CHN2: variants seen among roughly 807,000 people sequenced by gnomAD.
CHN2 encodes the protein chimerin 2, also known as beta-chimaerin.
Under a neutral mutation model 56.3 loss-of-function variants are expected in CHN2, and 35 were observed. That is an observed-to-expected ratio of 0.62 (90% CI 0.47 to 0.82). The LOEUF is 0.82. Among genes scored for constraint, CHN2 ranks in the 40% least tolerant of loss-of-function variants. The pLI, the probability that CHN2 is intolerant of heterozygous loss-of-function variation, is 0.00. For synonymous variants in CHN2, 210 were observed against 212.8 expected (o/e 0.99, Z 0.12); for missense variants, 491 against 580.5 (o/e 0.85, Z 1.58).
At chr7:29,345,048 G>T (rs550001742) in intron 1 of CHN2, among the ~76,000 whole-genome samples, 2 of 152,298 alleles carry the variant, frequency 1.3e-5, no homozygotes, top group East Asian at 3.9e-4. Context: ...TTTGTGCCTA[G>T]CTGAGAGGGC....
chr7:29,174,902 A>C (rs1391285258), intron 2 of CHN2, among the ~76,000 whole-genome samples: 1 of 152,132 alleles, frequency 6.6e-6, no homozygotes, highest in Non-Finnish European at 1.5e-5. Flanking sequence ...TACAGGAACA[A>C]GAAGCTAGAA....
intron 2 of CHN2, among the ~76,000 whole-genome samples, chr7:29,365,527 C>G (rs56897138): frequency 0.092 from 14,016 of 152,188 alleles, 994 homozygotes; most frequent in African/African-American, 0.18. Flanking sequence ...AGAAAGACTC[C>G]TTCATGAAGT....
At chr7:29,177,298 G>A (rs1256110082) in intron 2 of CHN2, among the ~76,000 whole-genome samples, 2 of 151,934 alleles carry the variant, frequency 1.3e-5, no homozygotes, top group East Asian at 1.9e-4. Context: ...CTGTCATCCA[G>A]GCTGGAGTGC....
chr7:29,226,417 A>T (rs1360622630), intron 1 of CHN2, among the ~76,000 whole-genome samples: 2 of 152,174 alleles, frequency 1.3e-5, no homozygotes, highest in Admixed American at 6.5e-5. Flanking sequence ...AATTTTTTTT[A>T]AATAGAAAAA....
intron 1 of CHN2, among the ~76,000 whole-genome samples, chr7:29,277,592 T>A (rs951470317): frequency 6.6e-6 from 1 of 152,186 alleles, no homozygotes; most frequent in African/African-American, 2.4e-5. Context: ...CTTTCAAGCA[T>A]GGGGAGAAGT....
intron 6 of CHN2, among the ~76,000 whole-genome samples, chr7:29,459,829 GA>G (rs1562624485): frequency 6.6e-6 from 1 of 152,130 alleles, no homozygotes; most frequent in Admixed American, 6.5e-5. Context: ...GAAGAAGCCC[GA>G]AAAGCTTGTC....
At chr7:29,454,058 C>T (rs1442770944) in intron 6 of CHN2, among the ~76,000 whole-genome samples, 1 of 152,170 alleles carries the variant, frequency 6.6e-6, no homozygotes. Context: ...GTAGACAAAT[C>T]ATAATTGCAT....
At chr7:29,509,844 C>A (rs1253222917) in intron 12 of CHN2, among the ~76,000 whole-genome samples, 61 of 134,170 alleles carry the variant, frequency 4.5e-4, no homozygotes, top group Admixed American at 6.2e-4. Flanking sequence ...GACTCCATCT[C>A]AAAAAAAAAA....
rs1465167988 is a variant in CHN2, at chr7:29,200,400, C to T, written c.49+5410C>T. ...TCCCTCCCTCTATCCACCTTCTTCT[C>T]CTTCCTTCCTTCTTTCCTTCCTTCC... On this transcript the variant is annotated intron_variant, in intron 1 of 12. Coordinates refer to ENST00000222792, the MANE Select transcript of CHN2 (RefSeq NM_004067.4). Among the ~76,000 whole-genome samples the T allele has an allele frequency of 2.2e-5, 3 of 138,044 alleles. No homozygotes were observed. The East Asian group carries it at 7.0e-4, about 32-fold the overall frequency. The allele number at this position is 138,044 out of a possible 152,430, so 90.6% of individuals were successfully genotyped here.
chr7:29,336,672 A>T (rs1301099456), intron 1 of CHN2, among the ~76,000 whole-genome samples: 1 of 148,708 alleles, frequency 6.7e-6, no homozygotes, highest in Non-Finnish European at 1.5e-5. Context: ...AGGCAGAAGG[A>T]TCTCTATAGC....
exon 2 of CHN2, chr7:29,146,911 A>G (rs1382623386): frequency 1.4e-5 from 21 of 1,551,106 alleles, no homozygotes; most frequent in Non-Finnish European, 1.7e-5. Flanking sequence ...CCCACTGTTT[A>G]AAAAGGCAAC....
intron 1 of CHN2, among the ~76,000 whole-genome samples, chr7:29,304,412 G>A (rs1793976439): frequency 6.6e-6 from 1 of 152,216 alleles, no homozygotes; most frequent in Non-Finnish European, 1.5e-5. Flanking sequence ...TAATTGTAGA[G>A]AGAGATGATA....
chr7:29,343,369 T>G (rs1027059948), intron 1 of CHN2, among the ~76,000 whole-genome samples: 1 of 152,132 alleles, frequency 6.6e-6, no homozygotes, highest in African/African-American at 2.4e-5. Flanking sequence ...AAATTGAAGC[T>G]CCTGTGTCTT....
intron 1 of CHN2, among the ~76,000 whole-genome samples, chr7:29,248,163 A>C (rs1026653479): frequency 6.6e-6 from 1 of 152,252 alleles, no homozygotes; most frequent in Non-Finnish European, 1.5e-5. Flanking sequence ...CTGGCCAGGC[A>C]GTTGAAAGTG....
At chr7:29,317,504 C>T (rs1339860544) in intron 1 of CHN2, among the ~76,000 whole-genome samples, 1 of 152,194 alleles carries the variant, frequency 6.6e-6, no homozygotes, top group Non-Finnish European at 1.5e-5. Context: ...CCTGCCCAGA[C>T]CTACTGAATC....
intron 7 of CHN2, among the ~76,000 whole-genome samples, chr7:29,483,267 C>G (rs574895467): frequency 2.6e-5 from 4 of 152,246 alleles, no homozygotes; most frequent in African/African-American, 9.6e-5. Context: ...GGAACTTTGT[C>G]AAGAGGAATG....
chr7:29,342,893 A>G (rs1452097760), intron 1 of CHN2, among the ~76,000 whole-genome samples: 2 of 152,130 alleles, frequency 1.3e-5, no homozygotes, highest in Admixed American at 6.5e-5. Flanking sequence ...TTGATGTCTT[A>G]TTTCTTCTCC....
chr7:29,229,499 C>G (rs1786498998), intron 1 of CHN2, among the ~76,000 whole-genome samples: 1 of 152,200 alleles, frequency 6.6e-6, no homozygotes, highest in Admixed American at 6.5e-5. Flanking sequence ...AAGAATGGCA[C>G]TGGCTCCAGT....
intron 1 of CHN2, among the ~76,000 whole-genome samples, chr7:29,329,375 G>A (rs867910657): frequency 2.6e-4 from 2 of 7,818 alleles, no homozygotes; most frequent in South Asian, 2.3e-3. Flanking sequence ...TTCAGATAAG[G>A]CAAAAAAAAA....
Sources: allele counts gnomAD v4.1 joint callset (sites outside exome capture counted in the v4.1 genomes callset), GRCh38; gene constraint gnomAD v4.1.1; transcripts MANE v1.5; gene names NCBI Gene and HGNC (gene_info 2026-07-23, HGNC 2026-07-21).